The following CD38 variants were observed in gnomAD, a reference collection of about 807,000 sequenced individuals.
The protein encoded by CD38 is ADP-ribosyl cyclase/cyclic ADP-ribose hydrolase 1.
Under a neutral mutation model 36.3 loss-of-function variants are expected in CD38, and 31 were observed. The observed-to-expected ratio is 0.85, with a 90% CI of 0.64 to 1.15. CD38 has a LOEUF of 1.15. CD38 is among the 50% of genes most tolerant of loss of function. CD38 has a pLI of 0.00. For missense variants in CD38, 380 were observed against 371.9 expected (o/e 1.02, Z -0.18); for synonymous variants, 131 against 135.2 (o/e 0.97, Z 0.22).
At chr4:15,837,486 T>C (rs1019700179) in intron 4 of CD38, among the ~76,000 whole-genome samples, 3 of 152,178 alleles carry the variant, frequency 2.0e-5, no homozygotes, top group African/African-American at 7.2e-5. Context: ...GGAGGCCTCC[T>C]GGAGGGAGCA....
chr4:15,792,984 G>A (rs1723037014), intron 1 of CD38, among the ~76,000 whole-genome samples: 1 of 152,082 alleles, frequency 6.6e-6, no homozygotes, highest in Non-Finnish European at 1.5e-5. Context: ...TTATTAAACA[G>A]ACTGGGCAAT....
chr4:15,832,424 G>A (rs1723977174), intron 3 of CD38, among the ~76,000 whole-genome samples: 1 of 152,142 alleles, frequency 6.6e-6, no homozygotes, highest in South Asian at 2.1e-4. Context: ...ATATTTTGAA[G>A]GACTCGGATG....
intron 1 of CD38, among the ~76,000 whole-genome samples, chr4:15,798,861 A>G (rs906512919): frequency 6.6e-5 from 10 of 152,180 alleles, no homozygotes; most frequent in African/African-American, 2.2e-4. Flanking sequence ...TTCTTCTGTG[A>G]AAAGCCTATT....
chr4:15,799,758 T>G (rs1723178061), intron 1 of CD38, among the ~76,000 whole-genome samples: 1 of 152,232 alleles, frequency 6.6e-6, no homozygotes, highest in South Asian at 2.1e-4. Flanking sequence ...GGACAAACAC[T>G]GCCACTTTAA....
At chr4:15,821,652 C>A (rs917427434) in intron 2 of CD38, among the ~76,000 whole-genome samples, 2 of 145,606 alleles carry the variant, frequency 1.4e-5, no homozygotes, top group African/African-American at 5.1e-5. Context: ...CCTGAACAGA[C>A]CAATAACAAG....
At chr4:15,825,096 T>G in intron 3 of CD38, 80 bp downstream of exon 3, 41 of 1,407,594 alleles carry the variant, frequency 2.9e-5, no homozygotes, top group Non-Finnish European at 3.3e-5. Context: ...CCTGAATGAT[T>G]AGTGTGGAGG....
intron 2 of CD38, among the ~76,000 whole-genome samples, chr4:15,820,155 G>A (rs143785467): frequency 1.4e-4 from 22 of 152,228 alleles, no homozygotes; most frequent in East Asian, 1.3e-3. Context: ...AAGGGAATTC[G>A]TCACCACCAG....
At chr4:15,806,534 G>A (rs1723344620) in intron 1 of CD38, among the ~76,000 whole-genome samples, 2 of 152,200 alleles carry the variant, frequency 1.3e-5, no homozygotes. Context: ...TTGGCACAGT[G>A]GCAGGTGGTG....
At chr4:15,790,978 G>T (rs1424198937) in intron 1 of CD38, among the ~76,000 whole-genome samples, 2 of 146,530 alleles carry the variant, frequency 1.4e-5, no homozygotes, top group African/African-American at 5.1e-5. Flanking sequence ...CCCTCCGTCC[G>T]GCGGCCACCC....
intron 1 of CD38, among the ~76,000 whole-genome samples, chr4:15,789,490 G>A (rs970693924): frequency 1.3e-5 from 2 of 152,148 alleles, no homozygotes; most frequent in Non-Finnish European, 2.9e-5. Context: ...CATAAACTTT[G>A]GGGATTTCTT....
At chr4:15,796,589 G>T (rs1723108338) in intron 1 of CD38, among the ~76,000 whole-genome samples, 1 of 151,986 alleles carries the variant, frequency 6.6e-6, no homozygotes, top group African/African-American at 2.4e-5. Flanking sequence ...CTTTTTTCTA[G>T]TTTTTAAAGA....
intron 3 of CD38, among the ~76,000 whole-genome samples, chr4:15,832,422 A>C (rs1723977130): frequency 6.6e-6 from 1 of 152,116 alleles, no homozygotes; most frequent in African/African-American, 2.4e-5. Flanking sequence ...AGATATTTTG[A>C]AGGACTCGGA....
chr4:15,838,219 T>G, intron 5 of CD38, 54 bp downstream of exon 5: 1 of 1,250,832 alleles, frequency 8.0e-7, no homozygotes, highest in Non-Finnish European at 1.2e-6. Flanking sequence ...AATATCACAG[T>G]GAATATTTCA....
chr4:15,837,190 C>T (rs1724085090), intron 4 of CD38, among the ~76,000 whole-genome samples: 1 of 152,124 alleles, frequency 6.6e-6, no homozygotes, highest in African/African-American at 2.4e-5. Context: ...CCACTCAGTC[C>T]CTGGCACTAG....
Position 15,853,220 on chromosome 4 carries a change from G to A in CD38, c.*4618G>A, listed in dbSNP as rs1724437699. ...AAAATGAATTAAACAAACAATAAAA[G>A]TATAATAAAGAACTGTGCTGAATAA... On this transcript the variant is annotated 3_prime_UTR_variant, in exon 8 of 8. Transcript: ENST00000226279. 6.6e-6 allele frequency: 1 copy of A among 152,150 alleles called. No homozygotes were observed. The allele number at this position is 152,150 out of a possible 1,614,324, so 9.4% of individuals were successfully genotyped here.
intron 2 of CD38, among the ~76,000 whole-genome samples, chr4:15,819,458 TGAA>T (rs1553874101): frequency 6.6e-6 from 1 of 150,698 alleles, no homozygotes; most frequent in Non-Finnish European, 1.5e-5. Flanking sequence ...TTCACTGAGC[TGAA>T]GGAGTATATT....
intron 7 of CD38, among the ~76,000 whole-genome samples, chr4:15,841,041 A>G (rs1481400718): frequency 6.7e-6 from 1 of 148,594 alleles, no homozygotes; most frequent in East Asian, 2.0e-4. Flanking sequence ...TTTTTAAATT[A>G]AAAAAAAAAG....
chr4:15,822,151 G>C lies in CD38; in HGVS notation c.364-2730G>C, dbSNP rs185681074. Among the ~76,000 whole-genome samples the C allele has an allele frequency of 2.0e-5, 3 of 152,022 alleles. 1 individual carries two copies. The highest frequency in any genetic ancestry group is 7.2e-5 in the African/African-American group (3 of 41,382). On this transcript the variant is annotated intron_variant, in intron 2 of 7. Transcript: ENST00000226279. Reference sequence around the variant, plus strand: ...TCGATAAAATTCACCATCCCTTCACGTTAAAAACTCTCAATAAGCTAGGTA... The same window carrying C: ...TCGATAAAATTCACCATCCCTTCACCTTAAAAACTCTCAATAAGCTAGGTA...
intron 1 of CD38, among the ~76,000 whole-genome samples, chr4:15,785,058 A>AG (rs1250658538): frequency 2.0e-5 from 3 of 151,288 alleles, no homozygotes; most frequent in Non-Finnish European, 4.4e-5. Flanking sequence ...TCTGTCTTAA[A>AG]AAAAAAAAAT....
Sources: gnomAD v4.1 joint callset for allele counts (sites outside exome capture counted in the v4.1 genomes callset) on GRCh38, gnomAD v4.1.1 for gene constraint, MANE v1.5 for transcripts, NCBI Gene and HGNC (gene_info 2026-07-23, HGNC 2026-07-21) for gene names.